Variants in ZMYM4 observed in about 807,000 individuals in gnomAD.
ZMYM4 encodes the protein zinc finger MYM-type containing 4, also known as zinc finger MYM-type protein 4.
In ZMYM4, 31 loss-of-function variants were observed where a neutral mutation model predicts 183.2. The ratio of observed to expected loss-of-function variants is 0.17; its 90% confidence interval spans 0.13 to 0.23. ZMYM4 has a LOEUF of 0.23. Among genes scored for constraint, ZMYM4 ranks in the 10% least tolerant of loss-of-function variants. The pLI, the probability that ZMYM4 is intolerant of heterozygous loss-of-function variation, is 1.00. For missense variants in ZMYM4, 1,273 were observed against 1,840.3 expected (o/e 0.69, Z 5.64); for synonymous variants, 592 against 631.2 (o/e 0.94, Z 0.93).
At position 35,297,823 on chromosome 1, in the gene ZMYM4, C is replaced by T. The variant is rs957648455; in HGVS notation, c.40-27537C>T. On this transcript the variant is annotated intron_variant, in intron 1 of 29. Coordinates refer to ENST00000314607, the MANE Select transcript of ZMYM4 (RefSeq NM_005095.3). Reference sequence around the variant, plus strand: ...CCTATACTCAAGCCTAAGGACACAACGAAAAGCAATTCTGAATCCCATTTT... The same window carrying T: ...CCTATACTCAAGCCTAAGGACACAATGAAAAGCAATTCTGAATCCCATTTT... 2.9e-4 allele frequency among the ~76,000 whole-genome samples: 44 copies of T among 152,174 alleles called. 1 individual carries two copies. Among genetic ancestry groups the T allele is most frequent in the African/African-American group, 9.9e-4 (41 of 41,432 alleles).
chr1:35,351,318 G>A (rs1643597454), intron 2 of ZMYM4: 5 of 1,577,802 alleles, frequency 3.2e-6, no homozygotes. Flanking sequence ...GCACATCATG[G>A]GCCAGAAAGT....
intron 26 of ZMYM4, among the ~76,000 whole-genome samples, chr1:35,413,708 T>C (rs1329896543): frequency 1.3e-5 from 2 of 152,236 alleles, no homozygotes; most frequent in East Asian, 3.8e-4. Context: ...ATAATACTTC[T>C]TCTGTACCAT....
intron 1 of ZMYM4, among the ~76,000 whole-genome samples, chr1:35,288,691 T>C (rs1424593228): frequency 6.6e-6 from 1 of 152,154 alleles, no homozygotes; most frequent in African/African-American, 2.4e-5. Context: ...CTAGGAGAAA[T>C]AGGCAGCATC....
At chr1:35,337,686 T>C (rs1445458503) in intron 2 of ZMYM4, among the ~76,000 whole-genome samples, 2 of 152,144 alleles carry the variant, frequency 1.3e-5, no homozygotes, top group African/African-American at 4.8e-5. Flanking sequence ...GGCTCACACC[T>C]GTAATCCCAG....
At chr1:35,404,889 G>A (rs1194644138) in intron 23 of ZMYM4, 134 bp from the exon 24 acceptor site, 11 of 844,212 alleles carry the variant, frequency 1.3e-5, no homozygotes, top group Non-Finnish European at 1.8e-5. Flanking sequence ...CTTGCTCTAA[G>A]AACTCTGAAT....
chr1:35,349,208 G>A (rs1027880036), intron 2 of ZMYM4, among the ~76,000 whole-genome samples: 4 of 152,112 alleles, frequency 2.6e-5, no homozygotes, highest in East Asian at 1.9e-4. Context: ...GGCTCATCTC[G>A]AACTCCTGAC....
chr1:35,354,727 TAAAAAAAAAA>T (rs57493035), intron 2 of ZMYM4, among the ~76,000 whole-genome samples: 79 of 84,038 alleles, frequency 9.4e-4, no homozygotes, highest in African/African-American at 4.3e-3. Context: ...ACTTTGTCTT[TAAAAAAAAAA>T]AAAAAAAAAA....
At chr1:35,395,475 C>G (rs796488794) in intron 18 of ZMYM4, among the ~76,000 whole-genome samples, 3 of 152,230 alleles carry the variant, frequency 2.0e-5, no homozygotes, top group African/African-American at 7.2e-5. Context: ...ACTTCTAACT[C>G]TAGTCAAATT....
chr1:35,366,278 C>T (rs1414597740), intron 5 of ZMYM4, among the ~76,000 whole-genome samples: 1 of 152,042 alleles, frequency 6.6e-6, no homozygotes, highest in East Asian at 1.9e-4. Flanking sequence ...TAGATTTTTT[C>T]TTGATCATAG....
intron 23 of ZMYM4, among the ~76,000 whole-genome samples, chr1:35,401,624 C>G (rs1644910300): frequency 6.6e-6 from 1 of 151,994 alleles, no homozygotes; most frequent in Non-Finnish European, 1.5e-5. Flanking sequence ...GAGGAAGTCC[C>G]TTTTATCAAT....
At chr1:35,286,965 G>A (rs559439333) in intron 1 of ZMYM4, among the ~76,000 whole-genome samples, 30 of 150,566 alleles carry the variant, frequency 2.0e-4, no homozygotes, top group Non-Finnish European at 3.7e-4. Context: ...TTCTCTTTAG[G>A]AACACTGAAA....
At chr1:35,361,457 G>A (rs1643934459) in intron 4 of ZMYM4, among the ~76,000 whole-genome samples, 162 bp from the exon 5 acceptor site, 1 of 151,714 alleles carries the variant, frequency 6.6e-6, no homozygotes, top group Non-Finnish European at 1.5e-5. Flanking sequence ...TTTGGTATTT[G>A]GACATATAAC....
chr1:35,359,906 T>TTTA (rs1643899690), intron 3 of ZMYM4, among the ~76,000 whole-genome samples: 1 of 151,550 alleles, frequency 6.6e-6, no homozygotes, highest in African/African-American at 2.4e-5. Context: ...TTTTTTTTAA[T>TTTA]AAAAAAAACC....
intron 7 of ZMYM4, among the ~76,000 whole-genome samples, chr1:35,379,532 G>A (rs1055321046): frequency 4.6e-5 from 7 of 151,964 alleles, no homozygotes; most frequent in East Asian, 1.9e-4. Context: ...CGCCACGCCC[G>A]GCCAACTGTT....
chr1:35,314,896 G>A (rs1473062341), intron 1 of ZMYM4, among the ~76,000 whole-genome samples: 2 of 151,180 alleles, frequency 1.3e-5, no homozygotes, highest in African/African-American at 2.4e-5. Context: ...GTGGTGGTGC[G>A]CATCTATAAT....
In ZMYM4 at chr1:35,352,265, G is replaced by GTGCA. The variant is rs1167467592; in HGVS notation, c.86-6660_86-6659insTGCA. On this transcript the variant is annotated intron_variant, in intron 2 of 29. Coordinates refer to ENST00000314607, the MANE Select transcript of ZMYM4 (RefSeq NM_005095.3). The stretch of plus-strand genomic sequence containing the variant: ...AATTTAAAAATTAGCGCGCACGCGC[G>GTGCA]CGCGCACACACACACACACACACAC... Among the ~76,000 whole-genome samples, 51 of 85,486 alleles carry GTGCA rather than the reference G, an allele frequency of 6.0e-4. 1 individual carries two copies. The highest frequency in any genetic ancestry group is 2.5e-3 in the African/African-American group (50 of 20,096). 56.1% of individuals were successfully genotyped at this position (85,486 alleles called of 152,430 possible).
chr1:35,365,239 CTTTTTTTTTTTT>C (rs746304675), intron 5 of ZMYM4, among the ~76,000 whole-genome samples: 3 of 85,326 alleles, frequency 3.5e-5, no homozygotes, highest in African/African-American at 8.5e-5. Flanking sequence ...TAATCAAAGT[CTTTTTTTTTTTT>C]TTTTTTTTTT....
In ZMYM4 at chr1:35,391,824, C is replaced by T. The variant is rs568227089; in HGVS notation, c.2588-388C>T. On this transcript the variant is annotated intron_variant, in intron 15 of 29. Transcript: ENST00000314607. ...TTGGGAGGCTGAGGCAGGCGGATCA[C>T]GAGGTCAGGAGTTTGAGACCATCCT... 4.0e-5 allele frequency among the ~76,000 whole-genome samples: 6 copies of T among 151,284 alleles called. No homozygotes were observed. The East Asian group carries it at 9.8e-4, about 25-fold the overall frequency.
intron 1 of ZMYM4, among the ~76,000 whole-genome samples, chr1:35,324,570 C>T (rs923675813): frequency 6.6e-6 from 1 of 152,122 alleles, no homozygotes; most frequent in African/African-American, 2.4e-5. Context: ...TGTTGTGTTT[C>T]CTCTACAGTT....
Sources: allele counts gnomAD v4.1 joint callset (sites outside exome capture counted in the v4.1 genomes callset), GRCh38; gene constraint gnomAD v4.1.1; transcripts MANE v1.5; gene names NCBI Gene and HGNC (gene_info 2026-07-23, HGNC 2026-07-21).